The following BMX variants were observed in gnomAD, a reference collection of about 807,000 sequenced individuals.
BMX encodes the protein BMX non-receptor tyrosine kinase.
A neutral mutation model predicts 59.2 loss-of-function variants in BMX; 31 were observed. The ratio of observed to expected loss-of-function variants is 0.52; its 90% confidence interval spans 0.39 to 0.71. The LOEUF (loss-of-function observed/expected upper bound fraction) is 0.71. BMX is among the 30% of genes least tolerant of loss of function. The probability of loss-of-function intolerance (pLI) is 0.00; values close to 1 mark genes in which losing one functional copy is unlikely to be tolerated. For missense variants in BMX, 474 were observed against 491.7 expected (o/e 0.96, Z 0.34); for synonymous variants, 185 against 181.0 (o/e 1.02, Z -0.18).
Position 15,500,853 on chromosome X carries a change from C to T in BMX, c.-97C>T. The T allele has an allele frequency of 4.0e-6, 3 of 754,057 alleles. No homozygotes were observed. Among genetic ancestry groups the T allele is most frequent in the Non-Finnish European group, 4.7e-6 (3 of 639,360 alleles). The allele number at this position is 754,057 out of a possible 1,213,427, so 62.1% of individuals were successfully genotyped here. ...CAGGAAAATGTGAAACAATTTGCTT[C>T]TGGAAACAGGACAGCCGGGGCCGTG... is the stretch of plus-strand genomic sequence containing the variant. On this transcript the variant is annotated 5_prime_UTR_variant, in exon 1 of 19. Transcript: ENST00000348343.
chrX:15,504,373 C>T (rs767266771), intron 1 of BMX, among the ~76,000 whole-genome samples: 1 of 111,799 alleles, frequency 8.9e-6, no homozygotes, highest in South Asian at 3.7e-4. Flanking sequence ...GGGGCTTGGC[C>T]AGGGTGACAC....
At position 15,546,931 on chromosome X, in the gene BMX, T is replaced by C. The variant is rs1029038409; in HGVS notation, c.1795+10T>C. The stretch of plus-strand genomic sequence containing the variant: ...GACGTATGGGCATTTGGTAAGGATG[T>C]GGCCACATACGACCTGGCCCTGTTT... On this transcript the variant is annotated intron_variant, in intron 17 of 18. Transcript: ENST00000348343. 9 of 1,169,411 alleles carry C rather than the reference T, an allele frequency of 7.7e-6. No homozygotes were observed. In the African/African-American group the frequency reaches 1.6e-4, roughly 21 times the overall value.
At chrX:15,541,823 G>A (rs1200292152) in intron 14 of BMX, among the ~76,000 whole-genome samples, 159 bp from the exon 15 acceptor site, 3 of 109,037 alleles carry the variant, frequency 2.8e-5, no homozygotes, top group African/African-American at 6.6e-5. Flanking sequence ...AATTGTGCTT[G>A]AAATATAAGA....
chrX:15,524,804 A>T (rs1924631109), intron 7 of BMX, among the ~76,000 whole-genome samples: 1 of 111,865 alleles, frequency 8.9e-6, no homozygotes, highest in South Asian at 3.7e-4. Context: ...TAATACCCCA[A>T]ATAAAAGAGA....
intron 18 of BMX, among the ~76,000 whole-genome samples, chrX:15,551,868 T>C (rs765375337): frequency 1.8e-5 from 2 of 111,008 alleles, no homozygotes; most frequent in South Asian, 7.7e-4. Context: ...ACAGAGCACT[T>C]ATGGCAAGGC....
At chrX:15,516,030 T>C (rs1340056545) in intron 4 of BMX, 82 bp from the exon 5 acceptor site, 1 of 1,152,904 alleles carries the variant, frequency 8.7e-7, no homozygotes, top group Non-Finnish European at 1.2e-6. Flanking sequence ...TTTATTGTTC[T>C]GTGATAACAG....
rs1405637926 is a variant in BMX at position 15,511,445 on chromosome X, T to C, written c.252T>C (p.Tyr84=). The change falls in exon 4 of 19, where the codon TAT becomes TAC. Residue 84 remains tyrosine (Y), a synonymous_variant. Transcript: ENST00000348343. ...VERQYPFQIV[Y]KDGLLYVYAS... is the part of the protein sequence containing the mutation. ...AATATTTTCCTTTCCAGATTGTCTA[T>C]AAAGATGGGCTTCTCTATGTCTATG... 2.5e-6 allele frequency: 3 copies of C among 1,200,568 alleles called. No individual in the cohort carries two copies. Among genetic ancestry groups the C allele is most frequent in the South Asian group, 1.8e-5 (1 of 55,705 alleles).
chrX:15,517,630 T>G (rs985243695), intron 5 of BMX, among the ~76,000 whole-genome samples: 1 of 112,673 alleles, frequency 8.9e-6, no homozygotes, highest in Non-Finnish European at 1.9e-5. Context: ...TCCCTTGGCT[T>G]CTTCTGCTGA....
chrX:15,506,970 T>C (rs1923765979), intron 1 of BMX, among the ~76,000 whole-genome samples: 1 of 113,148 alleles, frequency 8.8e-6, no homozygotes, highest in South Asian at 3.6e-4. Flanking sequence ...AATTAATAAA[T>C]AATCTTTTGT....
intron 1 of BMX, among the ~76,000 whole-genome samples, chrX:15,505,991 G>A (rs543020341): frequency 7.2e-5 from 8 of 110,839 alleles, no homozygotes; most frequent in African/African-American, 9.9e-5. Context: ...GTGCAGTGGC[G>A]TGATCCTCCT....
At chrX:15,525,895 C>T in intron 8 of BMX, 147 bp from the exon 9 acceptor site, 1 of 470,370 alleles carries the variant, frequency 2.1e-6, no homozygotes. Flanking sequence ...TGTGTTGATA[C>T]TTTGCCAGGT....
intron 18 of BMX, among the ~76,000 whole-genome samples, chrX:15,553,993 T>G (rs1475892458): frequency 8.9e-6 from 1 of 112,449 alleles, no homozygotes; most frequent in East Asian, 2.8e-4. Flanking sequence ...TGAGCAGAGC[T>G]TATAGATTTG....
intron 17 of BMX, among the ~76,000 whole-genome samples, chrX:15,548,321 G>C (rs932272309): frequency 4.5e-5 from 5 of 110,821 alleles, no homozygotes; most frequent in East Asian, 5.7e-4. Context: ...GCCAGGCATG[G>C]TGGTGCGCGC....
chrX:15,525,162 C>A, intron 7 of BMX, 126 bp from the exon 8 acceptor site: 1 of 644,164 alleles, frequency 1.6e-6, no homozygotes, highest in Non-Finnish European at 2.3e-6. Context: ...ATTTCCCAAA[C>A]AAGTGAAATG....
chrX:15,513,605 A>G (rs1217523412), intron 4 of BMX, among the ~76,000 whole-genome samples: 1 of 111,997 alleles, frequency 8.9e-6, no homozygotes, highest in Non-Finnish European at 1.9e-5. Flanking sequence ...GACATTTAAG[A>G]TAGAATTTTC....
intron 17 of BMX, among the ~76,000 whole-genome samples, chrX:15,547,899 T>G (rs1343805056): frequency 8.9e-6 from 1 of 111,946 alleles, no homozygotes. Context: ...GAGACCTATT[T>G]CATGCCTTAG....
In BMX at chrX:15,534,351, T is replaced by A; in HGVS notation, c.1147+12T>A. 2 of 1,152,031 alleles carry A rather than the reference T, an allele frequency of 1.7e-6. No homozygotes were observed. The highest frequency in any genetic ancestry group is 2.3e-6 in the Non-Finnish European group (2 of 868,070). The allele number at this position is 1,152,031 out of a possible 1,213,427, so 94.9% of individuals were successfully genotyped here. ...ACACAATTCAGCAGGTAACTTATTT[T>A]AGTTTTTCTTTTATGGGCCCTTGTT... On this transcript the variant is annotated intron_variant, in intron 12 of 18. Coordinates refer to ENST00000348343, the MANE Select transcript of BMX (RefSeq NM_203281.3).
At chrX:15,520,075 C>T (rs1924371522) in intron 6 of BMX, among the ~76,000 whole-genome samples, 1 of 112,091 alleles carries the variant, frequency 8.9e-6, no homozygotes, top group African/African-American at 3.2e-5. Flanking sequence ...ATCCTAGAGG[C>T]TTCAGAATAA....
chrX:15,541,955 T>C (rs1176352118), intron 14 of BMX, 27 bp from the exon 15 acceptor site: 9 of 1,174,046 alleles, frequency 7.7e-6, no homozygotes. Flanking sequence ...TGTGGAGCAT[T>C]GAACTTTGAA....
Sources: allele counts gnomAD v4.1 joint callset (sites outside exome capture counted in the v4.1 genomes callset), GRCh38; gene constraint gnomAD v4.1.1; transcripts MANE v1.5; gene names NCBI Gene and HGNC (gene_info 2026-07-23, HGNC 2026-07-21).